Variants in RIMS2 observed in about 807,000 individuals in gnomAD.
RIMS2 encodes regulating synaptic membrane exocytosis protein 2.
Under a neutral mutation model 174.4 loss-of-function variants are expected in RIMS2, and 59 were observed. That is an observed-to-expected ratio of 0.34 (90% confidence interval 0.27 to 0.42). The LOEUF is 0.42. Among genes scored for constraint, RIMS2 ranks in the 10% least tolerant of loss-of-function variants. RIMS2 has a pLI of 1.00. For synonymous variants in RIMS2, 606 were observed against 572.5 expected, an observed-to-expected ratio of 1.06 and a Z score of -0.84; for missense variants, 1,620 against 1,666.3, an observed-to-expected ratio of 0.97 and a Z score of 0.48.
At chr8:103,564,963 C>T (rs947269563) in intron 1 of RIMS2, among the ~76,000 whole-genome samples, 8 of 152,146 alleles carry the variant, frequency 5.3e-5, no homozygotes, top group Admixed American at 2.0e-4. Flanking sequence ...AGAGACTAAA[C>T]GTTATATGAC....
intron 17 of RIMS2, among the ~76,000 whole-genome samples, chr8:103,995,137 G>A (rs975326221): frequency 6.6e-6 from 1 of 151,874 alleles, no homozygotes; most frequent in Non-Finnish European, 1.5e-5. Flanking sequence ...TTTCTAGAAT[G>A]TTCTATAATT....
chr8:104,057,525 T>C lies in RIMS2; in HGVS notation c.3334+42910T>C, dbSNP rs192646016. 2.7e-3 allele frequency among the ~76,000 whole-genome samples: 407 copies of C among 152,232 alleles called. 1 individual carries two copies. Among genetic ancestry groups the C allele is most frequent in the Non-Finnish European group, 4.8e-3 (324 of 68,002 alleles). ...TACTAGATCCCTCCTAATCAACTTA[T>C]ATCCAAAATAGTTTAGATATCAGTT... is the stretch of plus-strand genomic sequence containing the variant. On this transcript the variant is annotated intron_variant, in intron 19 of 23. Transcript: ENST00000504942.
At chr8:103,910,010 T>A in intron 4 of RIMS2, 5 of 531,076 alleles carry the variant, frequency 9.4e-6, no homozygotes, top group Admixed American at 3.2e-5. Flanking sequence ...ATATATATAG[T>A]GAGTGCTACA....
intron 14 of RIMS2, among the ~76,000 whole-genome samples, chr8:103,959,107 G>A (rs1043737490): frequency 3.9e-5 from 6 of 152,132 alleles, no homozygotes; most frequent in African/African-American, 1.4e-4. Context: ...CTCCAGGTGT[G>A]CTTAGCTCAG....
chr8:103,746,772 C>A lies in RIMS2; in HGVS notation c.388-19455C>A, dbSNP rs542808694. Among the ~76,000 whole-genome samples the A allele has an allele frequency of 1.6e-3, 244 of 152,184 alleles. 1 individual carries two copies. The highest frequency in any genetic ancestry group is 3.7e-3 in the Admixed American group (56 of 15,284). ...CTCGGCTCACTGCAACCTCCGCCTC[C>A]CGGGTTCAAGCGATTCTCCTGCCTC... On this transcript the variant is annotated intron_variant, in intron 2 of 23. Transcript: ENST00000504942.
chr8:103,626,243 A>G (rs918694908), intron 1 of RIMS2, among the ~76,000 whole-genome samples: 3 of 152,186 alleles, frequency 2.0e-5, no homozygotes, highest in African/African-American at 7.2e-5. Flanking sequence ...TGATTCATAG[A>G]TTGAAGATAT....
At chr8:103,939,585 G>A (rs1012096390) in intron 13 of RIMS2, among the ~76,000 whole-genome samples, 2 of 152,210 alleles carry the variant, frequency 1.3e-5, no homozygotes, top group African/African-American at 4.8e-5. Context: ...TTAACATTTG[G>A]CCCCTCATTA....
chr8:103,902,787 T>C (rs1485099143), intron 4 of RIMS2, among the ~76,000 whole-genome samples: 1 of 152,158 alleles, frequency 6.6e-6, no homozygotes, highest in Non-Finnish European at 1.5e-5. Context: ...TATATAATCC[T>C]CTTAGTGAAG....
At position 103,663,357 on chromosome 8, in the gene RIMS2, C is replaced by T. The variant is rs57370825; in HGVS notation, c.177-33729C>T. Among the ~76,000 whole-genome samples, 508 of 152,146 alleles carry T rather than the reference C, an allele frequency of 3.3e-3. 1 individual carries two copies. The highest frequency in any genetic ancestry group is 0.011 in the African/African-American group (469 of 41,504). On this transcript the variant is annotated intron_variant, in intron 1 of 23. Transcript: ENST00000504942. ...GAGGAAGTCAAATTGTCTCTGTTTG[C>T]GGATGACATGATTATATATTTAGAA...
chr8:103,719,415 G>T (rs1474111450), intron 2 of RIMS2, among the ~76,000 whole-genome samples: 2 of 152,294 alleles, frequency 1.3e-5, no homozygotes, highest in East Asian at 1.9e-4. Context: ...ATCTAGAGTT[G>T]ATTTTCTTCA....
intron 19 of RIMS2, among the ~76,000 whole-genome samples, chr8:104,027,471 C>T (rs1597366734): frequency 6.6e-6 from 1 of 152,142 alleles, no homozygotes; most frequent in Non-Finnish European, 1.5e-5. Flanking sequence ...TTCCTGCAAA[C>T]TTAGTCATTC....
intron 3 of RIMS2, among the ~76,000 whole-genome samples, chr8:103,788,886 A>G (rs750703276): frequency 1.4e-4 from 22 of 152,128 alleles, no homozygotes; most frequent in Non-Finnish European, 2.8e-4. Flanking sequence ...GCCGCCTTGC[A>G]GTTTGATCTC....
chr8:104,203,419 CTTAGG>C (rs2099064303), intron 19 of RIMS2, among the ~76,000 whole-genome samples: 1 of 148,686 alleles, frequency 6.7e-6, no homozygotes, highest in African/African-American at 2.5e-5. Context: ...AAGAGAGCAA[CTTAGG>C]ATCATTTAAA....
intron 1 of RIMS2, among the ~76,000 whole-genome samples, chr8:103,570,187 C>G (rs2092704456): frequency 6.6e-6 from 1 of 152,078 alleles, no homozygotes; most frequent in Admixed American, 6.6e-5. Context: ...CAATGTACTT[C>G]TATGCTGTTT....
rs556402149 is a variant in RIMS2 at position 104,144,956 on chromosome 8, A to G, written c.3335-99960A>G. Among the ~76,000 whole-genome samples the G allele has an allele frequency of 3.3e-5, 5 of 152,248 alleles. No homozygotes were observed. The East Asian group carries it at 9.7e-4, about 29-fold the overall frequency. On this transcript the variant is annotated intron_variant, in intron 19 of 23. Transcript: ENST00000504942. ...TATGTCGTCCAAAGCTAAGTTACAG[A>G]TATCTGCTTCTCCCTCCCCATCCCC...
Position 103,918,424 on chromosome 8 carries a change from T to G in RIMS2, c.2037-17T>G. ...TGAAACAGTTTCTGTCTTTCTTTTTTTTTTTAATCATTTCAGAGATATACC... is the reference window on the plus strand; with the variant it reads ...TGAAACAGTTTCTGTCTTTCTTTTTGTTTTTAATCATTTCAGAGATATACC... On this transcript the variant is annotated splice_polypyrimidine_tract_variant and intron_variant, in intron 8 of 23. Coordinates refer to ENST00000504942, the Ensembl canonical transcript of RIMS2. 1.3e-6 allele frequency: 2 copies of G among 1,523,948 alleles called. No individual in the cohort carries two copies. Among genetic ancestry groups the G allele is most frequent in the Middle Eastern group, 1.8e-4 (1 of 5,698 alleles). 94.4% of individuals were successfully genotyped at this position (1,523,948 alleles called of 1,614,324 possible). A position where few individuals can be genotyped will look rare whatever the true frequency, so the allele number is the denominator to read the frequency against.
intron 19 of RIMS2, among the ~76,000 whole-genome samples, chr8:104,029,169 C>T (rs533153051): frequency 6.6e-5 from 10 of 152,206 alleles, no homozygotes; most frequent in Non-Finnish European, 1.0e-4. Flanking sequence ...GCATATGAAC[C>T]GTGAGGACAA....
intron 1 of RIMS2, among the ~76,000 whole-genome samples, chr8:103,682,817 C>T (rs1007904402): frequency 6.6e-6 from 1 of 152,154 alleles, no homozygotes; most frequent in Non-Finnish European, 1.5e-5. Flanking sequence ...TCTTATCTGG[C>T]TTGTAGCTTC....
At chr8:104,007,267 TTAC>T (rs2095618244) in intron 17 of RIMS2, among the ~76,000 whole-genome samples, 1 of 152,186 alleles carries the variant, frequency 6.6e-6, no homozygotes, top group Non-Finnish European at 1.5e-5. Flanking sequence ...TCCACCCTCA[TTAC>T]TACAAGTCAG....
Sources: gnomAD v4.1 joint callset for allele counts (sites outside exome capture counted in the v4.1 genomes callset) on GRCh38, gnomAD v4.1.1 for gene constraint, MANE v1.5 for transcripts, NCBI Gene and HGNC (gene_info 2026-07-23, HGNC 2026-07-21) for gene names.